NCOA3: variants seen among roughly 807,000 people sequenced by gnomAD.
NCOA3 encodes the protein nuclear receptor coactivator 3, also known as CBP-interacting protein.
A neutral mutation model predicts 158.8 loss-of-function variants in NCOA3; 51 were observed. The observed-to-expected ratio is 0.32, with a 90% CI of 0.26 to 0.41. NCOA3 has a LOEUF of 0.41. NCOA3 is among the 10% of genes least tolerant of loss of function. NCOA3 has a pLI of 1.00. For synonymous variants in NCOA3, 537 were observed against 592.4 expected, an observed-to-expected ratio of 0.91 and a Z score of 1.36; for missense variants, 1,510 against 1,746.6, an observed-to-expected ratio of 0.86 and a Z score of 2.41.
chr20:47,610,459 A>G (rs1029973828), intron 2 of NCOA3, among the ~76,000 whole-genome samples: 7 of 152,202 alleles, frequency 4.6e-5, no homozygotes, highest in East Asian at 1.9e-4. Context: ...GGCTCAAGCA[A>G]TCCTCTTGCC....
chr20:47,559,160 T>C (rs940393875), intron 1 of NCOA3, among the ~76,000 whole-genome samples: 3 of 152,076 alleles, frequency 2.0e-5, no homozygotes, highest in African/African-American at 7.2e-5. Context: ...TGGGGGCAGG[T>C]AAACCAACTC....
intron 2 of NCOA3, among the ~76,000 whole-genome samples, chr20:47,605,137 A>G (rs1415555885): frequency 6.6e-6 from 1 of 152,264 alleles, no homozygotes; most frequent in Admixed American, 6.5e-5. Context: ...AAGTGCTGGG[A>G]TAATAGGCGT....
At chr20:47,626,884 C>T in intron 5 of NCOA3, 118 bp from the exon 6 acceptor site, 2 of 876,810 alleles carry the variant, frequency 2.3e-6, no homozygotes, top group East Asian at 5.2e-5. Context: ...TAATTACCTC[C>T]TTGAAGGTCT....
chr20:47,593,333 G>GTTTTT (rs1367829605), intron 2 of NCOA3, among the ~76,000 whole-genome samples: 4 of 102,952 alleles, frequency 3.9e-5, no homozygotes, highest in Admixed American at 1.1e-4. Flanking sequence ...TGAGTTGATG[G>GTTTTT]ATTTTTTTTT....
intron 8 of NCOA3, among the ~76,000 whole-genome samples, chr20:47,632,243 A>G (rs969297745): frequency 6.6e-6 from 1 of 152,168 alleles, no homozygotes; most frequent in Non-Finnish European, 1.5e-5. Flanking sequence ...GAATATCTCA[A>G]TGGGAGAAAT....
intron 13 of NCOA3, 25 bp downstream of exon 13, chr20:47,637,808 T>A: frequency 1.9e-6 from 3 of 1,577,612 alleles, no homozygotes; most frequent in Non-Finnish European, 2.6e-6. Context: ...GGTTTTTTTT[T>A]TTTTTGCTGC....
At chr20:47,506,004 C>T (rs1443024896) in intron 1 of NCOA3, among the ~76,000 whole-genome samples, 1 of 152,004 alleles carries the variant, frequency 6.6e-6, no homozygotes, top group Non-Finnish European at 1.5e-5. Context: ...GGGGTTTCAT[C>T]GTGTTGGCCA....
At chr20:47,515,125 C>T (rs750145607) in intron 1 of NCOA3, among the ~76,000 whole-genome samples, 1 of 151,742 alleles carries the variant, frequency 6.6e-6, no homozygotes, top group Non-Finnish European at 1.5e-5. Context: ...GGGACAGACA[C>T]ACAAATAGTA....
At chr20:47,632,030 G>C (rs1179034470) in intron 8 of NCOA3, among the ~76,000 whole-genome samples, 1 of 152,178 alleles carries the variant, frequency 6.6e-6, no homozygotes. Context: ...GATCTTACAA[G>C]GTTAAGGGTT....
In NCOA3 at chr20:47,590,828, G is replaced by A. The variant is rs73129966; in HGVS notation, c.-20+7567G>A. On this transcript the variant is annotated intron_variant, in intron 2 of 22. Coordinates refer to ENST00000371998, the MANE Select transcript of NCOA3 (RefSeq NM_181659.3). ...CCTGCCTCAAAACAAAACAAAAAAC[G>A]GCTGGGCATGGTGGCTCATACCTGT... Among the ~76,000 whole-genome samples the A allele has an allele frequency of 6.2e-3, 935 of 151,618 alleles. 4 individuals are homozygous for A. The highest frequency in any genetic ancestry group is 0.024 in the Middle Eastern group (7 of 286).
intron 1 of NCOA3, among the ~76,000 whole-genome samples, chr20:47,581,184 T>C (rs1461933931): frequency 6.6e-6 from 1 of 152,172 alleles, no homozygotes; most frequent in Non-Finnish European, 1.5e-5. Flanking sequence ...AGGCTGTGTG[T>C]ATAAGTAACA....
intron 2 of NCOA3, among the ~76,000 whole-genome samples, chr20:47,594,007 C>T (rs1482123155): frequency 1.3e-5 from 2 of 152,100 alleles, no homozygotes; most frequent in East Asian, 1.9e-4. Context: ...GAACCAAATT[C>T]ATAGAAATCC....
intron 14 of NCOA3, 87 bp downstream of exon 14, chr20:47,639,289 T>C: frequency 1.7e-6 from 2 of 1,154,598 alleles, no homozygotes; most frequent in Non-Finnish European, 2.5e-6. Context: ...TGGGAGTAAA[T>C]AATAACTTTT....
chr20:47,511,550 T>TATATATATATATATACACAC lies in NCOA3; in HGVS notation c.-99+9537_-99+9538insATATATATACACACATATAT. 3.3e-4 allele frequency among the ~76,000 whole-genome samples: 17 copies of TATATATATATATATACACAC among 52,270 alleles called. No individual in the cohort carries two copies. In the South Asian group the frequency reaches 4.7e-3, roughly 15 times the overall value. 34.3% of individuals were successfully genotyped at this position (52,270 alleles called of 152,430 possible). A position where few individuals can be genotyped will look rare whatever the true frequency, so the allele number is the denominator to read the frequency against. On this transcript the variant is annotated intron_variant, in intron 1 of 22. Transcript: ENST00000371998. ...ATATATATATATATATATATATATA[T>TATATATATATATATACACAC]ATATATTTCTTTTTTTTTTTGAGAC...
At position 47,627,058 on chromosome 20, in the gene NCOA3, A is replaced by C. The variant is rs1457872633; in HGVS notation, c.414A>C (p.Ser138=). 6.2e-7 allele frequency: 1 copy of C among 1,613,556 alleles called. No individual in the cohort carries two copies. The highest frequency in any genetic ancestry group is 2.2e-5 in the East Asian group (1 of 44,866). ...GAGACGGAAACATTGTATTTGTATC[A>C]GAAAATGTCACACAATACCTGCAAT... ...VNRDGNIVFV[S]ENVTQYLQYK... Residue 138 remains serine, a synonymous_variant, in exon 6 of 23, where the codon TCA becomes TCC. Coordinates refer to ENST00000371998, the MANE Select transcript of NCOA3 (RefSeq NM_181659.3).
chr20:47,607,887 A>G (rs1340532527), intron 2 of NCOA3, among the ~76,000 whole-genome samples: 2 of 152,218 alleles, frequency 1.3e-5, no homozygotes, highest in African/African-American at 2.4e-5. Context: ...GCAGAAGTAA[A>G]TAACTGTTTT....
intron 2 of NCOA3, among the ~76,000 whole-genome samples, chr20:47,601,707 A>G (rs1465106095): frequency 6.6e-6 from 1 of 152,200 alleles, no homozygotes; most frequent in African/African-American, 2.4e-5. Flanking sequence ...TGTAATATTT[A>G]ACATATAAAG....
At chr20:47,618,419 A>G (rs1481803798) in intron 2 of NCOA3, among the ~76,000 whole-genome samples, 3 of 140,906 alleles carry the variant, frequency 2.1e-5, no homozygotes, top group Non-Finnish European at 4.5e-5. Flanking sequence ...CAATGGCCCA[A>G]TCTTGGCTTA....
rs145622223 is a variant in NCOA3, at chr20:47,604,556, A to C, written c.-19-17673A>C. Reference sequence around the variant, plus strand: ...TTCGTGAAAGCTTATAGTTCTTTTAACATCCATTTATTCTTCTGTTTCTTT... The same window carrying C: ...TTCGTGAAAGCTTATAGTTCTTTTACCATCCATTTATTCTTCTGTTTCTTT... On this transcript the variant is annotated intron_variant, in intron 2 of 22. Coordinates refer to ENST00000371998, the MANE Select transcript of NCOA3 (RefSeq NM_181659.3). 2.3e-3 allele frequency among the ~76,000 whole-genome samples: 350 copies of C among 152,270 alleles called. 2 individuals carry two copies. Among genetic ancestry groups the C allele is most frequent in the African/African-American group, 7.4e-3 (308 of 41,562 alleles).
Sources: allele counts gnomAD v4.1 joint callset (sites outside exome capture counted in the v4.1 genomes callset), GRCh38; gene constraint gnomAD v4.1.1; transcripts MANE v1.5; gene names NCBI Gene and HGNC (gene_info 2026-07-23, HGNC 2026-07-21).